Variants in ALMS1 observed in about 807,000 individuals in gnomAD.
The protein encoded by ALMS1 is ALMS1 centrosome and basal body associated protein.
In ALMS1, 271 loss-of-function variants were observed where a neutral mutation model predicts 352.2. The observed-to-expected ratio is 0.77, with a 90% CI of 0.70 to 0.85. ALMS1 has a LOEUF of 0.85. ALMS1 is among the 40% of genes least tolerant of loss of function. The pLI is 0.00. For synonymous variants in ALMS1, 1,865 were observed against 1,761.2 expected (o/e 1.06, Z -1.48); for missense variants, 5,445 against 4,870.7 (o/e 1.12, Z -3.51).
chr2:73,398,973 A>C (rs754019393), intron 1 of ALMS1, among the ~76,000 whole-genome samples: 1 of 152,048 alleles, frequency 6.6e-6, no homozygotes, highest in Non-Finnish European at 1.5e-5. Flanking sequence ...CCTTCTGAGT[A>C]GCTGGGATTA....
rs564055234 is a variant in ALMS1 at position 73,422,118 on chromosome 2, T to A, written c.647-739T>A. Among the ~76,000 whole-genome samples, 7 of 152,264 alleles carry A rather than the reference T, an allele frequency of 4.6e-5. No individual in the cohort carries two copies. In the South Asian group the frequency reaches 1.2e-3, roughly 27 times the overall value. On this transcript the variant is annotated intron_variant, in intron 3 of 22. Coordinates refer to ENST00000613296, the MANE Select transcript of ALMS1 (RefSeq NM_001378454.1). ...CATTTAAAATGTATTTATTAATTCA[T>A]TGAAAAAGTACATATTTTATAAAAA...
At chr2:73,387,466 T>C (rs761818073) in intron 1 of ALMS1, among the ~76,000 whole-genome samples, 1 of 152,146 alleles carries the variant, frequency 6.6e-6, no homozygotes, top group Non-Finnish European at 1.5e-5. Flanking sequence ...AGAGCTGATA[T>C]CTGAAGACAG....
At position 73,534,916 on chromosome 2, in the gene ALMS1, A is replaced by G. The variant is rs2103992317; in HGVS notation, c.9874A>G (p.Lys3292Glu). The change falls in exon 12 of 23, where the codon AAA becomes GAA. Residue 3292 changes from lysine to glutamate, a missense_variant. Lys to Glu is a moderately conservative substitution (Grantham distance 56). Coordinates refer to ENST00000613296, the MANE Select transcript of ALMS1 (RefSeq NM_001378454.1). ...LRQIPPSPDS[K>E]SDTTVESSHS... ...ACAAATTCCTCCATCTCCGGATTCCAAATCAGATACCACCGTTGAAAGCTC... is the reference window on the plus strand; with the variant it reads ...ACAAATTCCTCCATCTCCGGATTCCGAATCAGATACCACCGTTGAAAGCTC... The G allele has an allele frequency of 1.9e-6, 3 of 1,613,860 alleles. No homozygotes were observed. In the South Asian group the frequency reaches 3.3e-5, roughly 18 times the overall value.
intron 7 of ALMS1, among the ~76,000 whole-genome samples, chr2:73,445,575 A>G (rs1357427724): frequency 6.6e-6 from 1 of 152,182 alleles, no homozygotes; most frequent in African/African-American, 2.4e-5. Flanking sequence ...TCTGTGAGAA[A>G]TAAAGGGCTT....
intron 12 of ALMS1, among the ~76,000 whole-genome samples, chr2:73,538,330 A>T (rs1039849806): frequency 1.1e-4 from 16 of 152,178 alleles, no homozygotes; most frequent in African/African-American, 2.4e-5. Context: ...TCATGAGGGA[A>T]ATACCAAACA....
At chr2:73,458,314 T>C (rs1672116294) in intron 9 of ALMS1, 1 of 152,212 alleles carries the variant, frequency 6.6e-6, no homozygotes, top group Non-Finnish European at 1.5e-5. Flanking sequence ...AAAAGCATAA[T>C]TTCACAGGTA....
intron 16 of ALMS1, among the ~76,000 whole-genome samples, chr2:73,577,269 C>G (rs1344947998): frequency 6.6e-6 from 1 of 152,086 alleles, no homozygotes; most frequent in African/African-American, 2.4e-5. Flanking sequence ...ACCAGTAAAG[C>G]CATCTGGCCC....
intron 2 of ALMS1, among the ~76,000 whole-genome samples, chr2:73,412,220 A>G (rs897032421): frequency 7.9e-5 from 12 of 152,228 alleles, no homozygotes; most frequent in African/African-American, 2.9e-4. Context: ...GGAACGTCAC[A>G]AAAAGTTCCT....
intron 9 of ALMS1, among the ~76,000 whole-genome samples, chr2:73,488,537 G>A (rs1672905198): frequency 6.6e-6 from 1 of 152,160 alleles, no homozygotes; most frequent in African/African-American, 2.4e-5. Context: ...CCAGGAGGGT[G>A]GGGTTCCTGC....
intron 10 of ALMS1, among the ~76,000 whole-genome samples, chr2:73,495,479 G>T (rs1327806205): frequency 1.3e-5 from 2 of 152,034 alleles, no homozygotes; most frequent in African/African-American, 4.8e-5. Flanking sequence ...CAGGTGATCT[G>T]CCCACCTCGG....
chr2:73,425,089 A>G lies in ALMS1; in HGVS notation c.1237+187A>G, dbSNP rs1039151812. Among the ~76,000 whole-genome samples the G allele has an allele frequency of 1.5e-4, 23 of 152,092 alleles. 1 individual carries two copies. In the East Asian group the frequency reaches 1.5e-3, roughly 10 times the overall value. On this transcript the variant is annotated intron_variant, in intron 5 of 22. Transcript: ENST00000613296. ...TCCTTTCCATGTGAAGTTGCTGCTC[A>G]TCATCATCATCATAAAATGTCATAT...
intron 2 of ALMS1, among the ~76,000 whole-genome samples, chr2:73,409,206 A>G (rs1671030219): frequency 6.6e-6 from 1 of 152,108 alleles, no homozygotes; most frequent in African/African-American, 2.4e-5. Flanking sequence ...AGATTGTTGT[A>G]AACTTTATGT....
At chr2:73,527,905 A>G (rs1673825794) in intron 11 of ALMS1, among the ~76,000 whole-genome samples, 1 of 151,368 alleles carries the variant, frequency 6.6e-6, no homozygotes, top group African/African-American at 2.4e-5. Context: ...CTTTCCTCTT[A>G]GTACTGGTTT....
In ALMS1 at chr2:73,424,488, G is replaced by A; in HGVS notation, c.823G>A (p.Glu275Lys). 6.2e-7 allele frequency: 1 copy of A among 1,604,190 alleles called. No individual in the cohort carries two copies. The highest frequency in any genetic ancestry group is 8.5e-7 in the Non-Finnish European group (1 of 1,176,080). Residue 275 changes from glutamate (E) to lysine (K), a missense_variant, in exon 5 of 23, where the codon GAA becomes AAA. Coordinates refer to ENST00000613296, the MANE Select transcript of ALMS1 (RefSeq NM_001378454.1). Reference sequence around the variant, plus strand: ...GTCTTCTCGACCATCGGAAGTTAGTGAAGCTTTATTCCAGGCTACTGCAGA... The same window carrying A: ...GTCTTCTCGACCATCGGAAGTTAGTAAAGCTTTATTCCAGGCTACTGCAGA... Reference protein sequence around the residue: ...EWSSRPSEVSEALFQATAEVA... With the variant: ...EWSSRPSEVSKALFQATAEVA...
intron 6 of ALMS1, among the ~76,000 whole-genome samples, chr2:73,430,670 G>A (rs977596300): frequency 2.0e-5 from 3 of 152,132 alleles, no homozygotes; most frequent in African/African-American, 4.8e-5. Flanking sequence ...ATGCCACTGT[G>A]TTACAGTTGC....
At chr2:73,605,164 G>A (rs542907361) in intron 21 of ALMS1, among the ~76,000 whole-genome samples, 191 of 152,174 alleles carry the variant, frequency 1.3e-3, no homozygotes, top group South Asian at 1.0e-2. Context: ...TGAAGAAGTG[G>A]GTCTGTGACT....
chr2:73,556,000 C>T (rs1674533667), intron 13 of ALMS1, among the ~76,000 whole-genome samples: 1 of 152,076 alleles, frequency 6.6e-6, no homozygotes, highest in African/African-American at 2.4e-5. Flanking sequence ...TACAAAACAT[C>T]CTTGATATTG....
At chr2:73,533,564 A>G (rs1673965737) in intron 11 of ALMS1, among the ~76,000 whole-genome samples, 1 of 152,192 alleles carries the variant, frequency 6.6e-6, no homozygotes. Context: ...CACTCTTCCC[A>G]TGGGCTGAAC....
Position 73,451,334 on chromosome 2 carries a change from C to G in ALMS1, c.4807C>G (p.Pro1603Ala). 1.9e-6 allele frequency: 3 copies of G among 1,614,004 alleles called. No homozygotes were observed. The highest frequency in any genetic ancestry group is 1.7e-6 in the Non-Finnish European group (2 of 1,179,970). The part of the protein sequence containing the change: ...EALKVSIVSG[P>A]TEKKTDIPAG... ...TCTGAAAGTTTCCATTGTTTCTGGACCTACTGAAAAAAAGACTGACATACC... is the reference window on the plus strand; with the variant it reads ...TCTGAAAGTTTCCATTGTTTCTGGAGCTACTGAAAAAAAGACTGACATACC... Residue 1603 changes from proline to alanine, a missense_variant, in exon 8 of 23, where the codon CCT becomes GCT. By Grantham distance (27) the Pro-to-Ala change is conservative (BLOSUM62 -1). Transcript: ENST00000613296.
Sources: gnomAD v4.1 joint callset for allele counts (sites outside exome capture counted in the v4.1 genomes callset) on GRCh38, gnomAD v4.1.1 for gene constraint, MANE v1.5 for transcripts, NCBI Gene and HGNC (gene_info 2026-07-23, HGNC 2026-07-21) for gene names.